Variants in UHRF1 observed in about 807,000 individuals in gnomAD.
UHRF1 encodes E3 ubiquitin-protein ligase UHRF1.
In UHRF1, 9 loss-of-function variants were observed where a neutral mutation model predicts 96.5. The ratio of observed to expected loss-of-function variants is 0.09; its 90% CI spans 0.06 to 0.16. The LOEUF is 0.16. UHRF1 is among the 10% of genes least tolerant of loss of function. The pLI, the probability that UHRF1 is intolerant of heterozygous loss-of-function variation, is 1.00. For synonymous variants in UHRF1, 455 were observed against 469.9 expected, an observed-to-expected ratio of 0.97 and a Z score of 0.41; for missense variants, 626 against 1,131.1, an observed-to-expected ratio of 0.55 and a Z score of 6.40.
intron 2 of UHRF1, among the ~76,000 whole-genome samples, chr19:4,919,405 C>A (rs919579045): frequency 2.0e-5 from 3 of 151,736 alleles, no homozygotes; most frequent in African/African-American, 7.3e-5. Context: ...TGGGTTCATG[C>A]CATTCTCCTG....
intron 13 of UHRF1, among the ~76,000 whole-genome samples, chr19:4,953,785 C>T (rs2033781445): frequency 3.3e-5 from 5 of 152,068 alleles, no homozygotes; most frequent in Admixed American, 3.3e-4. Flanking sequence ...TTATATTTAG[C>T]CTGTAATCCC....
chr19:4,952,048 T>C lies in UHRF1; in HGVS notation c.1818+1052T>C, dbSNP rs143183591. ...GAAGCTGAGGAAGTAGAGAGAAAAA[T>C]AGTAATGGGAGAGACAGCCTCAGCT... On this transcript the variant is annotated intron_variant, in intron 13 of 16. Coordinates refer to ENST00000650932, the MANE Select transcript of UHRF1 (RefSeq NM_001048201.3). Among the ~76,000 whole-genome samples the C allele has an allele frequency of 4.5e-3, 683 of 152,152 alleles. 4 individuals are homozygous for C. Among genetic ancestry groups the C allele is most frequent in the South Asian group, 0.017 (83 of 4,820 alleles).
chr19:4,952,169 T>C (rs534524267), intron 13 of UHRF1, among the ~76,000 whole-genome samples: 8 of 150,222 alleles, frequency 5.3e-5, no homozygotes, highest in Admixed American at 5.3e-4. Flanking sequence ...CTCGGCTCTC[T>C]GCAACCTCTG....
Position 4,947,657 on chromosome 19 carries a change from C to T in UHRF1, c.1517+446C>T, listed in dbSNP as rs1275538414. 3.3e-5 allele frequency among the ~76,000 whole-genome samples: 5 copies of T among 151,928 alleles called. No homozygotes were observed. In the East Asian group the frequency reaches 5.9e-4, roughly 18 times the overall value. ...CTGGGATTACAGGTGCTTGCCACCT[C>T]GCCTGGCTAATTTTTGTATTTTTAG... is the stretch of plus-strand genomic sequence containing the variant. On this transcript the variant is annotated intron_variant, in intron 11 of 16. Coordinates refer to ENST00000650932, the MANE Select transcript of UHRF1 (RefSeq NM_001048201.3).
intron 11 of UHRF1, among the ~76,000 whole-genome samples, chr19:4,947,431 C>T (rs2602736): frequency 0.23 from 34,350 of 147,864 alleles, 4,304 homozygotes; most frequent in African/African-American, 0.34. Flanking sequence ...TGCCACATAC[C>T]GTGAGCCATT....
rs1489934489 is a variant in UHRF1 at position 4,909,574 on chromosome 19, C to A, written c.-92C>A. The stretch of plus-strand genomic sequence containing the variant: ...GGTCGCACGCAAGTCCGCGCGGGGT[C>A]CGGGCCACGCACGCGGTTTCATCGC... On this transcript the variant is annotated 5_prime_UTR_variant, in exon 1 of 17. Coordinates refer to ENST00000650932, the MANE Select transcript of UHRF1 (RefSeq NM_001048201.3). 7.6e-6 allele frequency: 5 copies of A among 655,642 alleles called. No homozygotes were observed. The highest frequency in any genetic ancestry group is 2.3e-5 in the Admixed American group (1 of 43,680). The allele number at this position is 655,642 out of a possible 1,614,324, so 40.6% of individuals were successfully genotyped here.
intron 16 of UHRF1, among the ~76,000 whole-genome samples, chr19:4,957,267 C>T (rs890698705): frequency 1.0e-4 from 14 of 137,134 alleles, no homozygotes; most frequent in South Asian, 7.1e-4. Flanking sequence ...AGTGGTCAGT[C>T]GTAGGAGGGA....
chr19:4,940,922 C>T (rs2146357796), intron 5 of UHRF1, among the ~76,000 whole-genome samples: 1 of 150,222 alleles, frequency 6.7e-6, no homozygotes, highest in East Asian at 2.0e-4. Flanking sequence ...ATCGGCCTGC[C>T]TCGGTCTCCC....
At chr19:4,938,514 A>G (rs562551966) in intron 5 of UHRF1, among the ~76,000 whole-genome samples, 1 of 151,710 alleles carries the variant, frequency 6.6e-6, no homozygotes, top group Non-Finnish European at 1.5e-5. Flanking sequence ...AGCAAGAATA[A>G]GACAGTTTTT....
chr19:4,941,740 C>CCCA lies in UHRF1; in HGVS notation c.887-4_887-2dup. On this transcript the variant is annotated splice_polypyrimidine_tract_variant and splice_region_variant and intron_variant, in intron 6 of 16. Transcript: ENST00000650932. Reference sequence around the variant, plus strand: ...CCGGAGCTGACCCTGCCGCCCCGTGCCCAGGGAAGAGCGGGCCGTCCTGCA... The same window carrying CCCA: ...CCGGAGCTGACCCTGCCGCCCCGTGCCCACCAGGGAAGAGCGGGCCGTCCTGCA... 1 of 1,545,750 alleles carries CCCA rather than the reference C, an allele frequency of 6.5e-7. No individual in the cohort carries two copies. Among genetic ancestry groups the CCCA allele is most frequent in the Non-Finnish European group, 8.7e-7 (1 of 1,144,730 alleles).
intron 7 of UHRF1, among the ~76,000 whole-genome samples, chr19:4,943,884 C>T (rs1427390407): frequency 1.3e-5 from 2 of 152,184 alleles, no homozygotes; most frequent in African/African-American, 4.8e-5. Context: ...CTCCTGACCT[C>T]AGGTGATCTG....
intron 11 of UHRF1, among the ~76,000 whole-genome samples, chr19:4,950,124 G>A (rs1184638262): frequency 1.3e-5 from 2 of 150,672 alleles, no homozygotes; most frequent in African/African-American, 2.5e-5. Flanking sequence ...TCCTGCCTTG[G>A]CCTCCCAGAG....
upstream of UHRF1, among the ~76,000 whole-genome samples, chr19:4,907,437 T>A (rs1270828327): frequency 1.3e-5 from 2 of 151,638 alleles, no homozygotes; most frequent in African/African-American, 4.8e-5. Flanking sequence ...CCTGGCTAAT[T>A]TTTGTATTTT....
rs35132707 is a variant in UHRF1 at position 4,939,218 on chromosome 19, ATTT to A, written c.786-2290_786-2288del. 3.9e-3 allele frequency among the ~76,000 whole-genome samples: 471 copies of A among 120,766 alleles called. 3 individuals are homozygous for A. Among genetic ancestry groups the A allele is most frequent in the African/African-American group, 0.012 (383 of 31,542 alleles). 79.2% of individuals were successfully genotyped at this position (120,766 alleles called of 152,430 possible). On this transcript the variant is annotated intron_variant, in intron 5 of 16. Transcript: ENST00000650932. ...CAGGCATGAGCCACTGCACCCGGCC[ATTT>A]TTTTTTTTTTTTTTTTTTTAATTTT...
chr19:4,939,972 C>G (rs1370344696), intron 5 of UHRF1, among the ~76,000 whole-genome samples: 1 of 147,648 alleles, frequency 6.8e-6, no homozygotes, highest in Non-Finnish European at 1.5e-5. Context: ...TGCAGTGAGC[C>G]GAGATCGTGC....
At chr19:4,907,704 CTTTTTT>C (rs59867968), upstream of UHRF1, among the ~76,000 whole-genome samples, 3 of 47,704 alleles carry the variant, frequency 6.3e-5, no homozygotes, top group South Asian at 9.3e-4. Flanking sequence ...TTGGCCTGAT[CTTTTTT>C]TTTTTTTTTT....
At chr19:4,946,005 A>C (rs375337019) in intron 10 of UHRF1, 40 bp downstream of exon 10, 1 of 1,435,150 alleles carries the variant, frequency 7.0e-7, no homozygotes, top group African/African-American at 1.5e-5. Context: ...GGGTTGCTCT[A>C]GTTTTTTGGA....
rs985069179 is a variant in UHRF1 at position 4,947,490 on chromosome 19, C to CTTTTTTTTTTTTTTTTTTTTTTT, written c.1517+286_1517+308dup. Among the ~76,000 whole-genome samples the CTTTTTTTTTTTTTTTTTTTTTTT allele has an allele frequency of 6.9e-5, 4 of 57,888 alleles. 1 individual carries two copies. The highest frequency in any genetic ancestry group is 1.3e-4 in the African/African-American group (2 of 14,972). 38.0% of individuals were successfully genotyped at this position (57,888 alleles called of 152,430 possible). On this transcript the variant is annotated intron_variant, in intron 11 of 16. Coordinates refer to ENST00000650932, the MANE Select transcript of UHRF1 (RefSeq NM_001048201.3). ...CTATAAAAGGCCAGATAATAGATAT[C>CTTTTTTTTTTTTTTTTTTTTTTT]TTTTTTTTTTTTTTTTTTTTTTTTT...
chr19:4,933,572 A>G (rs1367783009), intron 5 of UHRF1, among the ~76,000 whole-genome samples: 2 of 152,124 alleles, frequency 1.3e-5, no homozygotes, highest in Non-Finnish European at 2.9e-5. Flanking sequence ...TCCCATTCAC[A>G]GGGTCAAAAT....
Sources: allele counts gnomAD v4.1 joint callset (sites outside exome capture counted in the v4.1 genomes callset), GRCh38; gene constraint gnomAD v4.1.1; transcripts MANE v1.5; gene names NCBI Gene and HGNC (gene_info 2026-07-23, HGNC 2026-07-21).